The following ST18 variants were observed in gnomAD, a reference collection of about 807,000 sequenced individuals.
The protein encoded by ST18 is suppression of tumorigenicity 18 protein.
In ST18, 50 loss-of-function variants were observed where a neutral mutation model predicts 110.0. The observed-to-expected ratio is 0.45, with a 90% CI of 0.36 to 0.58. The LOEUF (loss-of-function observed/expected upper bound fraction) is 0.58, where lower values mean the gene tolerates loss of function less well. Ranked by LOEUF, ST18 falls within the 20% of genes least tolerant of loss-of-function variation. ST18 has a pLI of 0.00. For synonymous variants in ST18, 461 were observed against 452.4 expected (o/e 1.02, Z -0.24); for missense variants, 1,306 against 1,280.1 (o/e 1.02, Z -0.31).
In ST18 at chr8:52,118,406, C is replaced by T; in HGVS notation, c.2791G>A (p.Glu931Lys). 1 of 1,611,510 alleles carries T rather than the reference C, an allele frequency of 6.2e-7. No individual in the cohort carries two copies. The highest frequency in any genetic ancestry group is 1.3e-5 in the African/African-American group (1 of 74,938). The stretch of plus-strand genomic sequence containing the variant: ...GATTCATTCAGTTCCTTTATTTCTT[C>T]ATCCAAATGCCTAATTTCTTCATCA... ...ESDEEIRHLD[E>K]EIKELNESNL... The change falls in exon 24 of 26, where the codon GAA becomes AAA. Residue 931 changes from glutamate to lysine, a missense_variant. By Grantham distance (56) the Glu-to-Lys change is moderately conservative. Coordinates refer to ENST00000689386, the MANE Select transcript of ST18 (RefSeq NM_001352837.2).
chr8:52,208,235 G>A (rs1422933857), intron 8 of ST18, among the ~76,000 whole-genome samples: 2 of 152,134 alleles, frequency 1.3e-5, no homozygotes, highest in South Asian at 2.1e-4. Flanking sequence ...GCAATAACAC[G>A]TCCAATGCAT....
chr8:52,354,444 G>A (rs1217862560), intron 2 of ST18, among the ~76,000 whole-genome samples: 1 of 152,202 alleles, frequency 6.6e-6, no homozygotes, highest in Non-Finnish European at 1.5e-5. Context: ...AAGAGTAGAT[G>A]AGTCAAGGAT....
rs138757339 is a variant in ST18, at chr8:52,291,763, T to C, written c.-464-61686A>G. 6.4e-3 allele frequency among the ~76,000 whole-genome samples: 972 copies of C among 152,240 alleles called. 8 individuals are homozygous for C. Among genetic ancestry groups the C allele is most frequent in the Non-Finnish European group, 0.011 (715 of 68,018 alleles). ...AAAATGTAAATAAACAAGGTTTTTT[T>C]TTGTTTTTTTTGTTTGTTTGTTTTT... is the stretch of plus-strand genomic sequence containing the variant. On this transcript the variant is annotated intron_variant, in intron 2 of 25. Transcript: ENST00000689386.
chr8:52,153,149 T>A (rs1335395123), intron 15 of ST18, among the ~76,000 whole-genome samples: 3 of 152,200 alleles, frequency 2.0e-5, no homozygotes, highest in African/African-American at 4.8e-5. Flanking sequence ...ACATTCAAAG[T>A]TTGTGATGAA....
intron 2 of ST18, among the ~76,000 whole-genome samples, chr8:52,362,208 C>G (rs1204116029): frequency 1.3e-5 from 2 of 152,294 alleles, no homozygotes; most frequent in East Asian, 3.9e-4. Flanking sequence ...TGTCATTTCA[C>G]AGACATTTAA....
At chr8:52,355,616 A>G (rs551774858) in intron 2 of ST18, among the ~76,000 whole-genome samples, 3 of 152,340 alleles carry the variant, frequency 2.0e-5, no homozygotes, top group African/African-American at 7.2e-5. Context: ...AATTCGGTCA[A>G]AAACTTATGA....
intron 2 of ST18, chr8:52,408,845 T>C (rs1231235048): frequency 6.6e-6 from 1 of 152,196 alleles, no homozygotes; most frequent in African/African-American, 2.4e-5. Context: ...TAGCGACAAA[T>C]GGTTCAAGCA....
chr8:52,113,943 A>C (rs1464444921), intron 25 of ST18, among the ~76,000 whole-genome samples: 3 of 90,286 alleles, frequency 3.3e-5, no homozygotes, highest in Non-Finnish European at 7.4e-5. Context: ...GTTTAAATTT[A>C]TTCATACCGT....
At chr8:52,237,532 G>A (rs2092845074) in intron 2 of ST18, among the ~76,000 whole-genome samples, 1 of 152,190 alleles carries the variant, frequency 6.6e-6, no homozygotes, top group South Asian at 2.1e-4. Flanking sequence ...CTGAGGAGTA[G>A]CACTGGGATT....
At chr8:52,357,731 A>AT (rs61702309) in intron 2 of ST18, among the ~76,000 whole-genome samples, 1 of 116,660 alleles carries the variant, frequency 8.6e-6, no homozygotes, top group Non-Finnish European at 1.8e-5. Context: ...ATATATATAT[A>AT]AAACAGACTC....
intron 6 of ST18, among the ~76,000 whole-genome samples, chr8:52,215,880 G>A (rs947307958): frequency 1.3e-5 from 2 of 152,112 alleles, no homozygotes; most frequent in Non-Finnish European, 2.9e-5. Context: ...CAACTCTAGC[G>A]AATGCCCCTC....
chr8:52,176,523 T>C (rs1447987504), intron 9 of ST18, among the ~76,000 whole-genome samples: 1 of 152,214 alleles, frequency 6.6e-6, no homozygotes, highest in Admixed American at 6.5e-5. Flanking sequence ...GACTGTTCGC[T>C]GGTCCAGGCC....
chr8:52,256,056 G>A (rs780287842), intron 2 of ST18, among the ~76,000 whole-genome samples: 1 of 152,214 alleles, frequency 6.6e-6, no homozygotes, highest in Non-Finnish European at 1.5e-5. Context: ...CTCCTAGCCT[G>A]TGAGGCTAAC....
intron 17 of ST18, among the ~76,000 whole-genome samples, chr8:52,142,361 G>T (rs2055478795): frequency 6.6e-6 from 1 of 152,120 alleles, no homozygotes; most frequent in Non-Finnish European, 1.5e-5. Context: ...TGATTCCTAA[G>T]TGGACGCGTT....
chr8:52,241,461 G>A (rs1456991534), intron 2 of ST18, among the ~76,000 whole-genome samples: 1 of 152,266 alleles, frequency 6.6e-6, no homozygotes, highest in African/African-American at 2.4e-5. Flanking sequence ...GAAACTGCAT[G>A]TGGCCACAGC....
rs1044305297 is a variant in ST18 at position 52,126,044 on chromosome 8, G to A, written c.2755+8C>T. The A allele has an allele frequency of 5.6e-6, 9 of 1,613,808 alleles. No individual in the cohort carries two copies. Among genetic ancestry groups the A allele is most frequent in the Non-Finnish European group, 7.6e-6 (9 of 1,179,798 alleles). On this transcript the variant is annotated splice_region_variant and intron_variant, in intron 23 of 25. Coordinates refer to ENST00000689386, the MANE Select transcript of ST18 (RefSeq NM_001352837.2). Reference sequence around the variant, plus strand: ...AGGAGGTGGTGACAGCCAGCCCTGTGCTCTTACCCCCAGTTGCTTTGAGCT... The same window carrying A: ...AGGAGGTGGTGACAGCCAGCCCTGTACTCTTACCCCCAGTTGCTTTGAGCT...
intron 2 of ST18, among the ~76,000 whole-genome samples, chr8:52,392,238 A>G (rs1286555527): frequency 6.6e-6 from 1 of 152,164 alleles, no homozygotes; most frequent in Non-Finnish European, 1.5e-5. Context: ...AGCAAGGAGT[A>G]GTTTTGACAA....
intron 2 of ST18, among the ~76,000 whole-genome samples, chr8:52,402,287 G>C (rs773440478): frequency 6.6e-6 from 1 of 152,158 alleles, no homozygotes; most frequent in Non-Finnish European, 1.5e-5. Flanking sequence ...ACATGTGATT[G>C]GAATGGCTGT....
At chr8:52,273,879 T>C (rs1486326148) in intron 2 of ST18, among the ~76,000 whole-genome samples, 1 of 152,226 alleles carries the variant, frequency 6.6e-6, no homozygotes, top group African/African-American at 2.4e-5. Flanking sequence ...ATACAGTGTA[T>C]GGATTAACAA....
Sources: allele counts gnomAD v4.1 joint callset (sites outside exome capture counted in the v4.1 genomes callset), GRCh38; gene constraint gnomAD v4.1.1; transcripts MANE v1.5; gene names NCBI Gene and HGNC (gene_info 2026-07-23, HGNC 2026-07-21).